The following CFAP20DC variants were observed in gnomAD, a reference collection of about 807,000 sequenced individuals.
CFAP20DC encodes CFAP20 domain containing.
Under a neutral mutation model 101.7 loss-of-function variants are expected in CFAP20DC, and 84 were observed. The ratio of observed to expected loss-of-function variants is 0.83; its 90% CI spans 0.69 to 0.99. The LOEUF (loss-of-function observed/expected upper bound fraction) is 0.99, where lower values mean the gene tolerates loss of function less well. Ranked by LOEUF, CFAP20DC falls within the 50% of genes least tolerant of loss-of-function variation. CFAP20DC has a pLI of 0.00. For synonymous variants in CFAP20DC, 359 were observed against 351.2 expected, an observed-to-expected ratio of 1.02 and a Z score of -0.25; for missense variants, 1,007 against 970.3, an observed-to-expected ratio of 1.04 and a Z score of -0.50.
In CFAP20DC at chr3:58,806,457, C is replaced by G; in HGVS notation, c.2176-1G>C. 1.2e-6 allele frequency: 2 copies of G among 1,609,292 alleles called. No homozygotes were observed. Among genetic ancestry groups the G allele is most frequent in the South Asian group, 1.1e-5 (1 of 90,980 alleles). ...GATAGTGGCGACCCTGGTTGACAGGCTGGAAAAGACAAAACATTTGTGAAT... is the reference window on the plus strand; with the variant it reads ...GATAGTGGCGACCCTGGTTGACAGGGTGGAAAAGACAAAACATTTGTGAAT... On this transcript the variant is annotated splice_acceptor_variant, in intron 14 of 16. Transcript: ENST00000482387. LOFTEE classifies it high-confidence loss of function.
chr3:58,742,459 A>C lies in CFAP20DC; in HGVS notation c.*1T>G. Reference sequence around the variant, plus strand: ...CCTGCTCTCTGCCCCGGAAGGAGGCATTATACCAACTCATAGTATTTCCCT... The same window carrying C: ...CCTGCTCTCTGCCCCGGAAGGAGGCCTTATACCAACTCATAGTATTTCCCT... On this transcript the variant is annotated 3_prime_UTR_variant, in exon 17 of 17. Coordinates refer to ENST00000482387, the MANE Select transcript of CFAP20DC (RefSeq NM_001394063.1). 6.3e-7 allele frequency: 1 copy of C among 1,598,422 alleles called. No homozygotes were observed. Among genetic ancestry groups the C allele is most frequent in the Non-Finnish European group, 8.5e-7 (1 of 1,172,204 alleles).
chr3:58,795,823 C>T lies in CFAP20DC; in HGVS notation c.2237+10572G>A, dbSNP rs995185234. ...ATAACTGAAAATTAATTAGTATTTC[C>T]CAGTCTTAATGCCTTTAGACTCTCA... On this transcript the variant is annotated intron_variant, in intron 15 of 16. Transcript: ENST00000482387. The surrounding 1 kb of genome is among the most constrained non-coding windows in gnomAD (Gnocchi z 4.2). Among the ~76,000 whole-genome samples the T allele has an allele frequency of 1.3e-5, 2 of 152,188 alleles. No homozygotes were observed. Among genetic ancestry groups the T allele is most frequent in the Admixed American group, 1.3e-4 (2 of 15,294 alleles).
At chr3:58,723,380 T>A (rs570492366) in intron 3 of CFAP20DC, among the ~76,000 whole-genome samples, 2 of 152,340 alleles carry the variant, frequency 1.3e-5, no homozygotes, top group East Asian at 3.9e-4. Context: ...GCTTAAGTCA[T>A]GTAATGTAAA....
At chr3:58,878,587 C>T (rs891402845) in intron 7 of CFAP20DC, among the ~76,000 whole-genome samples, 13 of 151,982 alleles carry the variant, frequency 8.6e-5, no homozygotes, top group African/African-American at 2.2e-4. Flanking sequence ...ATTTACAAGC[C>T]GTGGTAGATA....
At chr3:58,856,079 C>G (rs1263879284) in intron 12 of CFAP20DC, among the ~76,000 whole-genome samples, 3 of 151,168 alleles carry the variant, frequency 2.0e-5, no homozygotes, top group South Asian at 4.2e-4. Context: ...AAATATAATA[C>G]TGAAATAGCT....
chr3:58,855,344 C>T (rs1315796492), intron 12 of CFAP20DC, among the ~76,000 whole-genome samples: 2 of 152,160 alleles, frequency 1.3e-5, no homozygotes, highest in Non-Finnish European at 2.9e-5. Context: ...ACAACAGGTG[C>T]TGGAGAGGAT....
intron 4 of CFAP20DC, among the ~76,000 whole-genome samples, chr3:58,949,130 G>A (rs1201108371): frequency 6.6e-6 from 1 of 152,044 alleles, no homozygotes; most frequent in Non-Finnish European, 1.5e-5. Context: ...GGGATTGGTG[G>A]TGATATCCCC....
chr3:58,878,964 T>C (rs921963741), intron 7 of CFAP20DC, among the ~76,000 whole-genome samples: 1 of 150,510 alleles, frequency 6.6e-6, no homozygotes, highest in Non-Finnish European at 1.5e-5. Flanking sequence ...GCCAAGATTG[T>C]GCCACTGCAC....
intron 4 of CFAP20DC, among the ~76,000 whole-genome samples, chr3:59,023,001 C>T (rs997267295): frequency 6.6e-6 from 1 of 152,042 alleles, no homozygotes; most frequent in African/African-American, 2.4e-5. Context: ...ACCATACTGC[C>T]AGTAGAGGTG....
chr3:58,970,378 A>C (rs1433727473), intron 4 of CFAP20DC: 1 of 152,220 alleles, frequency 6.6e-6, no homozygotes, highest in African/African-American at 2.4e-5. Flanking sequence ...GAACAAAGAC[A>C]GACGGAGAGG....
At chr3:58,976,135 T>G (rs1335715393) in intron 4 of CFAP20DC, among the ~76,000 whole-genome samples, 1 of 152,206 alleles carries the variant, frequency 6.6e-6, no homozygotes, top group African/African-American at 2.4e-5. Context: ...CAGCTGCATT[T>G]ATAATGACTG....
At chr3:59,000,136 T>C (rs989511088) in intron 4 of CFAP20DC, among the ~76,000 whole-genome samples, 2 of 152,238 alleles carry the variant, frequency 1.3e-5, no homozygotes, top group Non-Finnish European at 2.9e-5. Context: ...TAAAAACTTT[T>C]GTCTTCCTTT....
At chr3:58,855,595 A>G (rs1215057900) in intron 12 of CFAP20DC, among the ~76,000 whole-genome samples, 3 of 152,162 alleles carry the variant, frequency 2.0e-5, no homozygotes. Context: ...CAAATGTCCA[A>G]CAATGATAGA....
At chr3:58,738,057 G>T (rs923384793), downstream of CFAP20DC, among the ~76,000 whole-genome samples, 1 of 152,204 alleles carries the variant, frequency 6.6e-6, no homozygotes, top group Non-Finnish European at 1.5e-5. The surrounding 1 kb of genome is among the most constrained non-coding windows in gnomAD (Gnocchi z 4.4). Flanking sequence ...GAGAAAAAGA[G>T]AAAATAGAAT....
At chr3:58,911,052 T>G (rs545615843) in intron 6 of CFAP20DC, among the ~76,000 whole-genome samples, 1 of 152,142 alleles carries the variant, frequency 6.6e-6, no homozygotes, top group East Asian at 1.9e-4. Flanking sequence ...ATCTTATGAA[T>G]GGAAACTATA....
intron 11 of CFAP20DC, among the ~76,000 whole-genome samples, chr3:58,865,262 T>TGCAAAA (rs1394376895): frequency 7.0e-4 from 107 of 152,262 alleles, no homozygotes; most frequent in African/African-American, 2.4e-3. Flanking sequence ...AAGCCTACAA[T>TGCAAAA]GCAAAAGCAA....
At position 59,023,424 on chromosome 3, in the gene CFAP20DC, T is replaced by C. The variant is rs1377348731; in HGVS notation, c.278+16133A>G. ...TATGGGAAGTATTTATGAAAGATAA[T>C]GCATTTGAGTTTGACCTTAAAGAAC... On this transcript the variant is annotated intron_variant, in intron 4 of 16. Transcript: ENST00000482387. Among the ~76,000 whole-genome samples, 5 of 152,100 alleles carry C rather than the reference T, an allele frequency of 3.3e-5. No individual in the cohort carries two copies. In the East Asian group the frequency reaches 9.6e-4, roughly 29 times the overall value.
At chr3:59,027,734 T>C (rs1007915169) in intron 4 of CFAP20DC, among the ~76,000 whole-genome samples, 1 of 152,192 alleles carries the variant, frequency 6.6e-6, no homozygotes, top group Non-Finnish European at 1.5e-5. Flanking sequence ...GTTGCTTCTT[T>C]TCTAAGAGCT....
chr3:58,770,227 C>T (rs1249370037), intron 15 of CFAP20DC, among the ~76,000 whole-genome samples: 3 of 152,316 alleles, frequency 2.0e-5, no homozygotes, highest in Middle Eastern at 3.4e-3. Flanking sequence ...ATCCCATCTA[C>T]TTGAGATAAT....
Sources: gnomAD v4.1 joint callset for allele counts (sites outside exome capture counted in the v4.1 genomes callset) on GRCh38, gnomAD v4.1.1 for gene constraint, Gnocchi (gnomAD v3.1) non-coding constraint, MANE v1.5 for transcripts, NCBI Gene and HGNC (gene_info 2026-07-23, HGNC 2026-07-21) for gene names.